Variants in TUT4 observed in about 807,000 individuals in gnomAD.
TUT4 encodes the protein terminal uridylyl transferase 4.
Under a neutral mutation model 192.2 loss-of-function variants are expected in TUT4, and 36 were observed. That is an observed-to-expected ratio of 0.19 (90% CI 0.14 to 0.25). TUT4 has a LOEUF of 0.25. TUT4 is among the 10% of genes least tolerant of loss of function. The probability of loss-of-function intolerance (pLI) is 1.00; values close to 1 mark genes in which losing one functional copy is unlikely to be tolerated. For missense variants in TUT4, 1,493 were observed against 1,957.2 expected, an observed-to-expected ratio of 0.76 and a Z score of 4.47; for synonymous variants, 618 against 666.0, an observed-to-expected ratio of 0.93 and a Z score of 1.11.
intron 5 of TUT4, 141 bp from the exon 6 acceptor site, chr1:52,495,656 T>C: frequency 1.8e-6 from 1 of 549,208 alleles, no homozygotes; most frequent in South Asian, 2.9e-5. Context: ...AGAACACCCT[T>C]TCTAACTGAT....
At chr1:52,431,840 C>G (rs1039923256) in intron 27 of TUT4, 3 of 158,860 alleles carry the variant, frequency 1.9e-5, no homozygotes, top group African/African-American at 7.2e-5. Context: ...CATGTATGCC[C>G]TCATGGAGCT....
At chr1:52,550,774 CG>C (rs1689237454) in intron 1 of TUT4, among the ~76,000 whole-genome samples, 1 of 152,100 alleles carries the variant, frequency 6.6e-6, no homozygotes, top group Non-Finnish European at 1.5e-5. Context: ...AGATTACAGG[CG>C]TGAGTGAGCC....
intron 2 of TUT4, among the ~76,000 whole-genome samples, chr1:52,524,396 G>A (rs917896318): frequency 5.3e-5 from 8 of 152,012 alleles, no homozygotes; most frequent in Non-Finnish European, 1.2e-4. Context: ...GGTGGCAGGC[G>A]CCTGTACTCC....
At chr1:52,531,212 T>G (rs1372495668) in intron 1 of TUT4, among the ~76,000 whole-genome samples, 1 of 151,796 alleles carries the variant, frequency 6.6e-6, no homozygotes, top group Non-Finnish European at 1.5e-5. Context: ...TCTTAATAAT[T>G]ATCAAGAAAA....
chr1:52,462,573 A>G (rs944455638), intron 16 of TUT4: 8 of 263,400 alleles, frequency 3.0e-5, no homozygotes, highest in Non-Finnish European at 4.1e-5. Flanking sequence ...TATAAAATCA[A>G]GATAATCATA....
At chr1:52,481,341 C>G (rs1017005194) in intron 11 of TUT4, 82 bp downstream of exon 11, 2 of 1,449,558 alleles carry the variant, frequency 1.4e-6, no homozygotes, top group Non-Finnish European at 1.9e-6. Context: ...GTCAGTCAAT[C>G]TACAATTAAA....
chr1:52,455,076 G>T (rs1570468143), intron 20 of TUT4, among the ~76,000 whole-genome samples: 1 of 152,216 alleles, frequency 6.6e-6, no homozygotes, highest in East Asian at 1.9e-4. Context: ...CTTGAGCCCA[G>T]AGCTCGAGAC....
intron 16 of TUT4, chr1:52,462,363 T>A: frequency 6.6e-6 from 1 of 152,082 alleles, no homozygotes; most frequent in Non-Finnish European, 1.5e-5. Context: ...TTTTTTTGTA[T>A]TTTTAGTAGA....
chr1:52,552,152 C>G (rs1052789619), intron 1 of TUT4, among the ~76,000 whole-genome samples: 16 of 152,226 alleles, frequency 1.1e-4, no homozygotes, highest in African/African-American at 3.9e-4. Flanking sequence ...GTTGTTAATA[C>G]AACAGTAATT....
chr1:52,450,468 A>G (rs1659051994), intron 20 of TUT4, among the ~76,000 whole-genome samples: 1 of 152,198 alleles, frequency 6.6e-6, no homozygotes, highest in African/African-American at 2.4e-5. Context: ...ACAGATAATG[A>G]AAGAGTTTTT....
chr1:52,520,615 C>T (rs896084575), intron 2 of TUT4, among the ~76,000 whole-genome samples: 2 of 152,160 alleles, frequency 1.3e-5, no homozygotes, highest in Admixed American at 1.3e-4. Context: ...AGAACACTCT[C>T]TCCTCAAATA....
chr1:52,423,961 G>A lies in TUT4; in HGVS notation c.4912C>T (p.Pro1638Ser), dbSNP rs1648883843. 5 of 1,613,050 alleles carry A rather than the reference G, an allele frequency of 3.1e-6. No individual in the cohort carries two copies. The highest frequency in any genetic ancestry group is 4.2e-6 in the Non-Finnish European group (5 of 1,179,602). ...TACTCCGACACGTTTCCTCTTGGTG[G>A]GTGGGGACAACGCTCTCTACACCGA... ...TRRCRERCPH[P>S]PRGNVSE is the part of the protein sequence containing the mutation. The change falls in exon 30 of 30, where the codon CCA becomes TCA. Residue 1638 changes from proline to serine, a missense_variant. Pro to Ser is a moderately conservative substitution (Grantham distance 74). Around this residue, in one of 7 missense-constraint regions of TUT4, gnomAD observed 351 missense variants for 397.8 expected, o/e 0.88. Coordinates refer to ENST00000257177, the MANE Select transcript of TUT4 (RefSeq NM_001009881.3).
intron 4 of TUT4, among the ~76,000 whole-genome samples, chr1:52,505,827 G>A (rs535468841): frequency 1.3e-5 from 2 of 151,410 alleles, no homozygotes; most frequent in Admixed American, 6.6e-5. Flanking sequence ...CACAATGAGC[G>A]GGGTTTTTTT....
At chr1:52,430,334 G>A (rs1167934375) in intron 28 of TUT4, among the ~76,000 whole-genome samples, 6 of 152,040 alleles carry the variant, frequency 3.9e-5, no homozygotes, top group African/African-American at 1.5e-4. Context: ...CCTGGCTGGA[G>A]TGCAATGGCG....
chr1:52,534,715 C>A (rs981458679), intron 1 of TUT4, among the ~76,000 whole-genome samples: 1 of 150,996 alleles, frequency 6.6e-6, no homozygotes, highest in African/African-American at 2.4e-5. Flanking sequence ...AAACAAAAAT[C>A]AGCCAAATGT....
chr1:52,490,148 G>C (rs1042688179), intron 8 of TUT4, among the ~76,000 whole-genome samples: 1 of 144,362 alleles, frequency 6.9e-6, no homozygotes, highest in South Asian at 2.2e-4. Flanking sequence ...TGAGAAGAGA[G>C]GCTTTTTTTT....
chr1:52,541,361 A>G (rs962440350), intron 1 of TUT4, among the ~76,000 whole-genome samples: 4 of 152,012 alleles, frequency 2.6e-5, no homozygotes, highest in Non-Finnish European at 5.9e-5. Flanking sequence ...GTGAAACCCC[A>G]TCTCTACTAA....
chr1:52,489,121 T>C, intron 8 of TUT4, 86 bp from the exon 9 acceptor site: 1 of 1,381,612 alleles, frequency 7.2e-7, no homozygotes, highest in Non-Finnish European at 9.6e-7. Context: ...TTCTTTCTAG[T>C]TATCATATTG....
rs940406458 is a variant in TUT4, at chr1:52,552,967, T to G, written c.-130A>C. 9.1e-5 allele frequency: 14 copies of G among 154,244 alleles called. No homozygotes were observed. The highest frequency in any genetic ancestry group is 2.0e-4 in the Non-Finnish European group (14 of 69,020). The allele number at this position is 154,244 out of a possible 1,614,324, so 9.6% of individuals were successfully genotyped here. A position where few individuals can be genotyped will look rare whatever the true frequency, so the allele number is the denominator to read the frequency against. Reference sequence around the variant, plus strand: ...GCGAGCTACAGGCGCGCGCGACGCCTCCTCATCTCAGTGGCTCCTGCTCTC... The same window carrying G: ...GCGAGCTACAGGCGCGCGCGACGCCGCCTCATCTCAGTGGCTCCTGCTCTC... On this transcript the variant is annotated 5_prime_UTR_variant, in exon 1 of 30. Coordinates refer to ENST00000257177, the MANE Select transcript of TUT4 (RefSeq NM_001009881.3).
Sources: gnomAD v4.1 joint callset for allele counts (sites outside exome capture counted in the v4.1 genomes callset) on GRCh38, gnomAD v4.1.1 for gene constraint, gnomAD v4.1.1 regional missense constraint, MANE v1.5 for transcripts, NCBI Gene and HGNC (gene_info 2026-07-23, HGNC 2026-07-21) for gene names.